GPC5: variants seen among roughly 807,000 people sequenced by gnomAD.
GPC5 encodes glypican 5.
In GPC5, 47 loss-of-function variants were observed where a neutral mutation model predicts 53.9. That is an observed-to-expected ratio of 0.87 (90% CI 0.69 to 1.11). The LOEUF (loss-of-function observed/expected upper bound fraction) is 1.11. Ranked by LOEUF, GPC5 falls within the 50% of genes most tolerant of loss-of-function variation. The pLI, the probability that GPC5 is intolerant of heterozygous loss-of-function variation, is 0.00. For missense variants in GPC5, 748 were observed against 713.1 expected (o/e 1.05, Z -0.56); for synonymous variants, 286 against 263.3 (o/e 1.09, Z -0.84).
intron 7 of GPC5, among the ~76,000 whole-genome samples, chr13:92,589,128 G>A (rs537183794): frequency 5.9e-5 from 9 of 152,280 alleles, no homozygotes; most frequent in South Asian, 2.1e-4. Flanking sequence ...TACCAAATGC[G>A]TTCATGGTAG....
chr13:92,699,068 T>C (rs533321984), intron 7 of GPC5, among the ~76,000 whole-genome samples: 4 of 152,244 alleles, frequency 2.6e-5, no homozygotes, highest in Non-Finnish European at 4.4e-5. Flanking sequence ...ACTTTTTTTT[T>C]GGTTGGTAGG....
intron 7 of GPC5, among the ~76,000 whole-genome samples, chr13:92,623,237 G>A (rs1385550749): frequency 6.6e-6 from 1 of 152,110 alleles, no homozygotes; most frequent in Admixed American, 6.5e-5. Flanking sequence ...GAGCAAGACT[G>A]CAGAAAGACT....
chr13:92,523,508 A>ATAT (rs1566274630), intron 7 of GPC5, among the ~76,000 whole-genome samples: 1 of 152,156 alleles, frequency 6.6e-6, no homozygotes, highest in Non-Finnish European at 1.5e-5. Flanking sequence ...TTTTGTAAAT[A>ATAT]CATACACAGT....
intron 7 of GPC5, among the ~76,000 whole-genome samples, chr13:92,380,669 C>T (rs988739424): frequency 6.8e-6 from 1 of 147,746 alleles, no homozygotes; most frequent in Admixed American, 7.0e-5. Context: ...TCATTCTCAG[C>T]AAACTATCGC....
At chr13:91,734,543 T>C (rs994013795) in intron 4 of GPC5, among the ~76,000 whole-genome samples, 1 of 151,400 alleles carries the variant, frequency 6.6e-6, no homozygotes. Context: ...AGAGGTAGTG[T>C]CTAATAATTC....
chr13:92,718,893 C>G (rs979890715), intron 7 of GPC5, among the ~76,000 whole-genome samples: 5 of 109,410 alleles, frequency 4.6e-5, no homozygotes, highest in Non-Finnish European at 7.5e-5. Flanking sequence ...TCCGTCCCCC[C>G]ACAAAAAAAA....
chr13:91,749,244 T>A (rs532825354), intron 4 of GPC5, among the ~76,000 whole-genome samples: 1 of 152,260 alleles, frequency 6.6e-6, no homozygotes, highest in East Asian at 1.9e-4. Context: ...GAGTACCCAT[T>A]GTTTAGCTCC....
At chr13:91,999,671 C>A (rs1406455634) in intron 6 of GPC5, among the ~76,000 whole-genome samples, 1 of 152,118 alleles carries the variant, frequency 6.6e-6, no homozygotes, top group African/African-American at 2.4e-5. Context: ...TCATGGCCAC[C>A]TTATTCGAGT....
chr13:92,762,272 T>G (rs1875214127), intron 7 of GPC5, among the ~76,000 whole-genome samples: 1 of 152,230 alleles, frequency 6.6e-6, no homozygotes, highest in East Asian at 1.9e-4. Flanking sequence ...GATCAAAGTA[T>G]AAATTGTGTG....
At chr13:91,935,096 G>A (rs1333781812) in intron 6 of GPC5, among the ~76,000 whole-genome samples, 1 of 151,952 alleles carries the variant, frequency 6.6e-6, no homozygotes, top group Non-Finnish European at 1.5e-5. Flanking sequence ...ATGACTTACT[G>A]AATCATGGCA....
In GPC5 at chr13:92,866,276, C is replaced by G. The variant is rs775771233; in HGVS notation, c.1562-6C>G. ...ATCACCTGTGCTTTCTTATTTGCCT[C>G]TACAGGGATGCCAGATGATATGAAC... is the stretch of plus-strand genomic sequence containing the variant. On this transcript the variant is annotated splice_region_variant and splice_polypyrimidine_tract_variant and intron_variant, in intron 7 of 7. Coordinates refer to ENST00000377067, the MANE Select transcript of GPC5 (RefSeq NM_004466.6). The G allele has an allele frequency of 6.2e-7, 1 of 1,607,754 alleles. No homozygotes were observed. The highest frequency in any genetic ancestry group is 1.1e-5 in the South Asian group (1 of 90,400).
At chr13:92,673,979 A>C (rs1330385091) in intron 7 of GPC5, among the ~76,000 whole-genome samples, 4 of 152,220 alleles carry the variant, frequency 2.6e-5, no homozygotes, top group Non-Finnish European at 5.9e-5. Context: ...ACATTAATTT[A>C]AAATATTTTT....
At chr13:92,385,771 ATATACATATATG>A (rs1189662768) in intron 7 of GPC5, among the ~76,000 whole-genome samples, 1 of 83,742 alleles carries the variant, frequency 1.2e-5, no homozygotes, top group African/African-American at 5.6e-5. Flanking sequence ...ATATACGTAT[ATATACATATATG>A]TATATATATA....
At chr13:92,807,354 G>A (rs1289430696) in intron 7 of GPC5, among the ~76,000 whole-genome samples, 1 of 152,044 alleles carries the variant, frequency 6.6e-6, no homozygotes, top group Admixed American at 6.6e-5. Context: ...GGCCATCTGT[G>A]TAGCTTGTTC....
At chr13:92,833,349 G>A (rs769716932) in intron 7 of GPC5, among the ~76,000 whole-genome samples, 19 of 152,052 alleles carry the variant, frequency 1.2e-4, no homozygotes, top group Non-Finnish European at 1.9e-4. Context: ...TAACACCCAA[G>A]CAGATTTCAG....
intron 2 of GPC5, among the ~76,000 whole-genome samples, chr13:91,578,739 A>G (rs1365859567): frequency 6.6e-6 from 1 of 152,048 alleles, no homozygotes; most frequent in African/African-American, 2.4e-5. Flanking sequence ...TCAAAGTAGT[A>G]AGTAATTAAC....
In GPC5 at chr13:92,691,006, A is replaced by G. The variant is rs980708875; in HGVS notation, c.1562-175276A>G. On this transcript the variant is annotated intron_variant, in intron 7 of 7. Coordinates refer to ENST00000377067, the MANE Select transcript of GPC5 (RefSeq NM_004466.6). ...AGGGACACTTAAGTCTGCAGAGGTT[A>G]CTGCTGTCTTTTTGTTTGTCTGTGC... Among the ~76,000 whole-genome samples, 7 of 65,470 alleles carry G rather than the reference A, an allele frequency of 1.1e-4. 2 individuals are homozygous for G. The highest frequency in any genetic ancestry group is 4.5e-4 in the African/African-American group (7 of 15,548). The allele number at this position is 65,470 out of a possible 152,430, so 43.0% of individuals were successfully genotyped here. A position where few individuals can be genotyped will look rare whatever the true frequency, so the allele number is the denominator to read the frequency against.
At chr13:92,103,200 G>A (rs1417915925) in intron 6 of GPC5, among the ~76,000 whole-genome samples, 3 of 152,024 alleles carry the variant, frequency 2.0e-5, no homozygotes, top group East Asian at 3.9e-4. Context: ...GGGGAAAAAG[G>A]TTGTAGAAAC....
Position 92,362,083 on chromosome 13 carries a change from C to T in GPC5, c.1561+217094C>T, listed in dbSNP as rs115030663. Among the ~76,000 whole-genome samples the T allele has an allele frequency of 6.6e-3, 998 of 151,776 alleles. 48 individuals carry two copies. The highest frequency in any genetic ancestry group is 0.021 in the African/African-American group (857 of 41,092). On this transcript the variant is annotated intron_variant, in intron 7 of 7. Coordinates refer to ENST00000377067, the MANE Select transcript of GPC5 (RefSeq NM_004466.6). ...ATTATTACTACTATTAACTCTTTAG[C>T]TTGGGTAAAAGTCATACAGATAATT...
Sources: gnomAD v4.1 joint callset for allele counts (sites outside exome capture counted in the v4.1 genomes callset) on GRCh38, gnomAD v4.1.1 for gene constraint, MANE v1.5 for transcripts, NCBI Gene and HGNC (gene_info 2026-07-23, HGNC 2026-07-21) for gene names.